PCDH11X: variants seen among roughly 807,000 people sequenced by gnomAD.
The protein encoded by PCDH11X is protocadherin-11 X-linked.
A neutral mutation model predicts 53.3 loss-of-function variants in PCDH11X; 18 were observed. That is an observed-to-expected ratio of 0.34 (90% CI 0.23 to 0.50). The LOEUF (loss-of-function observed/expected upper bound fraction) is 0.50. PCDH11X is among the 20% of genes least tolerant of loss of function. The pLI is 0.98. For synonymous variants in PCDH11X, 279 were observed against 393.3 expected, an observed-to-expected ratio of 0.71 and a Z score of 3.44; for missense variants, 570 against 1,032.4, an observed-to-expected ratio of 0.55 and a Z score of 6.14.
intron 7 of PCDH11X, among the ~76,000 whole-genome samples, chrX:92,245,108 T>C (rs1285120128): frequency 8.9e-6 from 1 of 112,397 alleles, no homozygotes; most frequent in Non-Finnish European, 1.9e-5. Context: ...AGAGTACATA[T>C]GTACAAGTTT....
chrX:92,091,578 A>G (rs2064048936), intron 6 of PCDH11X, among the ~76,000 whole-genome samples: 1 of 111,527 alleles, frequency 9.0e-6, no homozygotes, highest in African/African-American at 3.3e-5. Context: ...TTAGGAAGAC[A>G]TGAGACATTA....
intron 6 of PCDH11X, among the ~76,000 whole-genome samples, chrX:91,937,076 A>G (rs985563168): frequency 9.1e-6 from 1 of 110,199 alleles, no homozygotes; most frequent in Non-Finnish European, 1.9e-5. Flanking sequence ...CTATTTTCCT[A>G]AAACTATATA....
At chrX:91,897,037 A>G (rs1467765274) in intron 6 of PCDH11X, among the ~76,000 whole-genome samples, 1 of 104,827 alleles carries the variant, frequency 9.5e-6, no homozygotes, top group Admixed American at 1.0e-4. Context: ...GTTGGCAAGC[A>G]CTACATTCAT....
In PCDH11X at chrX:91,835,616, G is replaced by T. The variant is rs752539325; in HGVS notation, c.112G>T (p.Val38Phe). 92 of 1,208,825 alleles carry T rather than the reference G, an allele frequency of 7.6e-5. No homozygotes were observed. Among genetic ancestry groups the T allele is most frequent in the Middle Eastern group, 6.9e-4 (3 of 4,351 alleles). ...CATCCGAGAAGAAATGCCAGAAAAC[G>T]TCCTGATAGGCGACTTGTTGAAAGA... ...YTIREEMPEN[V>F]LIGDLLKDLN... Residue 38 changes from valine (V) to phenylalanine (F), a missense_variant, in exon 5 of 11, where the codon GTC (valine) becomes TTC (phenylalanine). Physicochemically the swap from Val to Phe is conservative, Grantham distance 50. Transcript: ENST00000682573.
intron 1 of PCDH11X, among the ~76,000 whole-genome samples, chrX:91,803,820 G>C (rs1936013114): frequency 9.0e-6 from 1 of 111,608 alleles, no homozygotes; most frequent in Non-Finnish European, 1.9e-5. Context: ...GTGAATCACT[G>C]TATTTGTCAG....
chrX:92,180,584 G>A (rs1377678967), intron 6 of PCDH11X, among the ~76,000 whole-genome samples: 1 of 110,883 alleles, frequency 9.0e-6, no homozygotes, highest in Non-Finnish European at 1.9e-5. Flanking sequence ...CACCTAATAT[G>A]GTTTGGCTGT....
chrX:92,274,880 G>A (rs745547376), intron 8 of PCDH11X, among the ~76,000 whole-genome samples: 8 of 109,377 alleles, frequency 7.3e-5, no homozygotes, highest in African/African-American at 2.0e-4. Flanking sequence ...GGGAAATGGG[G>A]TGAATATCAG....
chrX:92,382,177 T>C (rs2070891079), intron 8 of PCDH11X, among the ~76,000 whole-genome samples: 1 of 111,832 alleles, frequency 8.9e-6, no homozygotes, highest in Admixed American at 9.6e-5. Flanking sequence ...TCTTAATAGT[T>C]TGAAATTCAA....
At chrX:92,088,926 C>CCAAAA (rs922190982) in intron 6 of PCDH11X, among the ~76,000 whole-genome samples, 26 of 109,832 alleles carry the variant, frequency 2.4e-4, no homozygotes, top group East Asian at 2.0e-3. Context: ...GAAGAAATTA[C>CCAAAA]CAAAACAAAA....
chrX:92,222,113 C>T (rs1035747721), intron 7 of PCDH11X, among the ~76,000 whole-genome samples: 2 of 106,258 alleles, frequency 1.9e-5, no homozygotes, highest in African/African-American at 3.4e-5. Flanking sequence ...GGATTACAGG[C>T]GTGAGCCACC....
chrX:92,346,913 A>C (rs1449163866), intron 8 of PCDH11X, among the ~76,000 whole-genome samples: 1 of 111,709 alleles, frequency 9.0e-6, no homozygotes, highest in Non-Finnish European at 1.9e-5. Context: ...GGTATCCAGT[A>C]AGATCTAGTT....
At chrX:92,240,883 T>C (rs937084113) in intron 7 of PCDH11X, among the ~76,000 whole-genome samples, 2 of 110,891 alleles carry the variant, frequency 1.8e-5, no homozygotes, top group Non-Finnish European at 3.8e-5. Context: ...ACTTAAAGTT[T>C]GCCTGATAAG....
At chrX:92,375,579 T>G (rs1352899894) in intron 8 of PCDH11X, among the ~76,000 whole-genome samples, 8 of 109,661 alleles carry the variant, frequency 7.3e-5, no homozygotes, top group African/African-American at 1.0e-4. Context: ...TTATTGCATA[T>G]TTAAAGTGTT....
chrX:92,072,504 G>T (rs1007186901), intron 6 of PCDH11X, among the ~76,000 whole-genome samples: 10 of 111,194 alleles, frequency 9.0e-5, no homozygotes, highest in African/African-American at 2.6e-4. Flanking sequence ...CAGTTAACAG[G>T]TGATAAATGC....
chrX:92,616,972 C>T lies in PCDH11X; in HGVS notation c.3368-1292C>T, dbSNP rs778381782. ...CACACACATTTTGTTACATGTATACCTAAATGTGTCTGTGAATAGATACAG... is the reference window on the plus strand; with the variant it reads ...CACACACATTTTGTTACATGTATACTTAAATGTGTCTGTGAATAGATACAG... On this transcript the variant is annotated intron_variant, in intron 10 of 10. Coordinates refer to ENST00000682573, the MANE Select transcript of PCDH11X (RefSeq NM_032968.5). Among the ~76,000 whole-genome samples the T allele has an allele frequency of 7.3e-5, 8 of 110,105 alleles. No homozygotes were observed. The East Asian group carries it at 2.3e-3, about 31-fold the overall frequency.
At chrX:91,868,777 T>C (rs1201439880) in intron 5 of PCDH11X, among the ~76,000 whole-genome samples, 1 of 111,603 alleles carries the variant, frequency 9.0e-6, no homozygotes, top group Non-Finnish European at 1.9e-5. Flanking sequence ...TTTTTTAAAG[T>C]TTAACCTAAT....
In PCDH11X at chrX:92,033,372, CT is replaced by C. The variant is rs762430244; in HGVS notation, c.3033+154113del. ...ACAGTGAAGCCATTGGGTCCCAGGC[CT>C]TTTTTTTTTTTTTCTAGAAACTTCA... is the stretch of plus-strand genomic sequence containing the variant. On this transcript the variant is annotated intron_variant, in intron 6 of 10. Transcript: ENST00000682573. Among the ~76,000 whole-genome samples the C allele has an allele frequency of 6.3e-3, 569 of 90,106 alleles. 6 individuals carry two copies. Among genetic ancestry groups the C allele is most frequent in the African/African-American group, 0.02 (486 of 24,763 alleles). 78.2% of individuals were successfully genotyped at this position (90,106 alleles called of 115,157 possible).
intron 8 of PCDH11X, 137 bp downstream of exon 8, chrX:92,263,280 G>T (rs2067758341): frequency 4.2e-6 from 2 of 481,077 alleles, no homozygotes; most frequent in African/African-American, 2.5e-5. Flanking sequence ...TTAAAAGAGA[G>T]TCAAGCTGAG....
chrX:92,278,635 G>T (rs999190314), intron 8 of PCDH11X, among the ~76,000 whole-genome samples: 1 of 109,959 alleles, frequency 9.1e-6, no homozygotes, highest in Non-Finnish European at 1.9e-5. Flanking sequence ...CTCAGTTAAG[G>T]TGGGGCAGGA....
Sources: allele counts gnomAD v4.1 joint callset (sites outside exome capture counted in the v4.1 genomes callset), GRCh38; gene constraint gnomAD v4.1.1; transcripts MANE v1.5; gene names NCBI Gene and HGNC (gene_info 2026-07-23, HGNC 2026-07-21).